The following BCL7C variants were observed in gnomAD, a reference collection of about 807,000 sequenced individuals.
The protein encoded by BCL7C is B-cell CLL/lymphoma 7 protein family member C.
BCL7C carries 8 observed loss-of-function variants against 26.2 expected under a neutral mutation model. The observed-to-expected ratio is 0.30, with a 90% CI of 0.18 to 0.55. The LOEUF is 0.55. Among genes scored for constraint, BCL7C ranks in the 20% least tolerant of loss-of-function variants. The pLI, the probability that BCL7C is intolerant of heterozygous loss-of-function variation, is 0.93. For synonymous variants in BCL7C, 90 were observed against 116.5 expected, an observed-to-expected ratio of 0.77 and a Z score of 1.47; for missense variants, 262 against 298.5, an observed-to-expected ratio of 0.88 and a Z score of 0.90.
downstream of BCL7C, among the ~76,000 whole-genome samples, chr16:30,884,057 G>A (rs769000392): frequency 5.3e-5 from 8 of 150,930 alleles, no homozygotes; most frequent in Non-Finnish European, 1.2e-4. Context: ...CCTGGGAGGC[G>A]GAGCTTGCAG....
chr16:30,869,542 C>G (rs373223590), intron 5 of BCL7C, among the ~76,000 whole-genome samples: 2 of 145,110 alleles, frequency 1.4e-5, no homozygotes, highest in African/African-American at 2.6e-5. Flanking sequence ...GACGGGGTCT[C>G]GCTCTGTTGC....
chr16:30,839,948 A>C (rs1287867693), intron 5 of BCL7C, among the ~76,000 whole-genome samples: 1 of 152,218 alleles, frequency 6.6e-6, no homozygotes, highest in African/African-American at 2.4e-5. Context: ...TCCCTCCAGG[A>C]GAGGACTCTG....
In BCL7C at chr16:30,893,046, G is replaced by T. The variant is rs930079973; in HGVS notation, c.172-98C>A. The T allele has an allele frequency of 3.8e-6, 5 of 1,309,202 alleles. No individual in the cohort carries two copies. In the Admixed American group the frequency reaches 8.4e-5, roughly 22 times the overall value. 81.1% of individuals were successfully genotyped at this position (1,309,202 alleles called of 1,614,324 possible). A position where few individuals can be genotyped will look rare whatever the true frequency, so the allele number is the denominator to read the frequency against. On this transcript the variant is annotated intron_variant, in intron 2 of 5. Transcript: ENST00000215115. The surrounding 1 kb of genome is among the most constrained non-coding windows in gnomAD (Gnocchi z 5.2). ...GAAGCAAAAGGGCTCAAACTCAGGG[G>T]GTGTGGAGCAGAAAAGAGGGCAAAA... is the stretch of plus-strand genomic sequence containing the variant.
intron 5 of BCL7C, among the ~76,000 whole-genome samples, chr16:30,838,661 C>T (rs2054584009): frequency 6.6e-6 from 1 of 152,200 alleles, no homozygotes; most frequent in African/African-American, 2.4e-5. Context: ...GTGGCAGTCA[C>T]CTGTAGTCCT....
At chr16:30,875,553 G>A (rs2143042541) in intron 5 of BCL7C, 1 of 152,402 alleles carries the variant, frequency 6.6e-6, no homozygotes, top group African/African-American at 2.4e-5. Flanking sequence ...ACAGCCCTGA[G>A]ACAAGGGCCC....
intron 5 of BCL7C, among the ~76,000 whole-genome samples, chr16:30,868,739 T>A (rs570300372): frequency 6.6e-6 from 1 of 151,742 alleles, no homozygotes; most frequent in South Asian, 2.1e-4. Context: ...GAGCGGAGAT[T>A]GCGCCATTGC....
chr16:30,887,884 G>A lies in BCL7C; in HGVS notation c.635C>T (p.Pro212Leu). The A allele has an allele frequency of 6.3e-7, 1 of 1,598,660 alleles. No homozygotes were observed. The highest frequency in any genetic ancestry group is 8.5e-7 in the Non-Finnish European group (1 of 1,173,452). The change falls in exon 6 of 6, where the codon CCA (proline) becomes CTA (leucine). Residue 212 changes from proline to leucine, a missense_variant. Physicochemically the swap from Pro to Leu is moderately conservative, Grantham distance 98. Coordinates refer to ENST00000215115, the MANE Select transcript of BCL7C (RefSeq NM_004765.4). ...GGCTTCTCAGGGGTCAGGGGCATTT[G>A]GGCAGATGCGCTTGAGTGGGGGGGC... The part of the protein sequence containing the change: ...EGAPPLKRIC[P>L]NAPDP
Position 30,893,979 on chromosome 16 carries a change from C to G in BCL7C, c.-35G>C. 1 of 1,176,376 alleles carries G rather than the reference C, an allele frequency of 8.5e-7. No individual in the cohort carries two copies. Among genetic ancestry groups the G allele is most frequent in the Non-Finnish European group, 1.1e-6 (1 of 935,584 alleles). The allele number at this position is 1,176,376 out of a possible 1,614,324, so 72.9% of individuals were successfully genotyped here. A position where few individuals can be genotyped will look rare whatever the true frequency, so the allele number is the denominator to read the frequency against. ...GCTGGGGCCGGGGCCGAGCCCGCGG[C>G]GGGGCCGCCTCCCGTCCGGCGGGCT... is the stretch of plus-strand genomic sequence containing the variant. On this transcript the variant is annotated 5_prime_UTR_variant, in exon 1 of 6. Coordinates refer to ENST00000215115, the MANE Select transcript of BCL7C (RefSeq NM_004765.4). The surrounding 1 kb of genome is among the most constrained non-coding windows in gnomAD (Gnocchi z 5.2).
At chr16:30,858,029 C>G (rs2054739242) in intron 5 of BCL7C, among the ~76,000 whole-genome samples, 1 of 151,334 alleles carries the variant, frequency 6.6e-6, no homozygotes, top group Non-Finnish European at 1.5e-5. Context: ...ATTGTAATAG[C>G]TAGCCTTTGG....
chr16:30,880,014 T>G, intron 5 of BCL7C, among the ~76,000 whole-genome samples: 1 of 150,538 alleles, frequency 6.6e-6, no homozygotes, highest in Non-Finnish European at 1.5e-5. Flanking sequence ...GTTAAGTAGT[T>G]GGGCGCAGTA....
rs776569898 is a variant in BCL7C, at chr16:30,835,068, C to T, written c.609G>A (p.Arg203=). ...GCCGGACATTTGTCCGGAGGCCCCT[C>T]CTGGGCAGGAGCCTCCTGAGGGGCT... The change falls in exon 6 of 6, where the codon AGG becomes AGA. Residue 203 remains arginine, a synonymous_variant. Transcript: ENST00000380317. 55 of 1,548,104 alleles carry T rather than the reference C, an allele frequency of 3.6e-5. 1 individual carries two copies. The South Asian group carries it at 4.3e-4, about 12-fold the overall frequency.
intron 5 of BCL7C, among the ~76,000 whole-genome samples, chr16:30,881,466 T>G (rs963597531): frequency 2.0e-5 from 3 of 151,852 alleles, no homozygotes; most frequent in Non-Finnish European, 2.9e-5. Flanking sequence ...GATTATGCTT[T>G]TCTGCTCAGA....
Position 30,834,843 on chromosome 16 carries a change from TG to T in BCL7C, c.*104del. 8.6e-7 allele frequency: 1 copy of T among 1,158,372 alleles called. No homozygotes were observed. Among genetic ancestry groups the T allele is most frequent in the Non-Finnish European group, 1.2e-6 (1 of 842,538 alleles). The allele number at this position is 1,158,372 out of a possible 1,614,324, so 71.8% of individuals were successfully genotyped here. The stretch of plus-strand genomic sequence containing the variant: ...CGCTCGCCCTCCGATGTTACCGCGG[TG>T]GGTGAGCTGGGAAGCTCTTTCCGCC... On this transcript the variant is annotated 3_prime_UTR_variant, in exon 6 of 6. Coordinates refer to the BCL7C transcript ENST00000380317. This position sits in a 1 kb window ranked among gnomAD's most constrained non-coding sequence, Gnocchi z 4.3.
chr16:30,846,870 G>A (rs962303345), intron 5 of BCL7C, among the ~76,000 whole-genome samples: 4 of 152,234 alleles, frequency 2.6e-5, no homozygotes, highest in Admixed American at 1.3e-4. Flanking sequence ...AGCTAGTGAC[G>A]CTGTCACGTG....
In BCL7C at chr16:30,887,844, C is replaced by T. The variant is rs1234890783; in HGVS notation, c.*21G>A. 16 of 1,545,008 alleles carry T rather than the reference C, an allele frequency of 1.0e-5. No individual in the cohort carries two copies. The Admixed American group carries it at 3.0e-4, about 29-fold the overall frequency. ...AAAGCCAAAGGGGCCCCTGGGGCAA[C>T]AGGACAGGCAGGCCGGCTTCTCAGG... On this transcript the variant is annotated 3_prime_UTR_variant, in exon 6 of 6. Coordinates refer to ENST00000215115, the MANE Select transcript of BCL7C (RefSeq NM_004765.4).
intron 5 of BCL7C, among the ~76,000 whole-genome samples, chr16:30,839,751 C>G (rs1057274647): frequency 6.6e-6 from 1 of 152,218 alleles, no homozygotes; most frequent in African/African-American, 2.4e-5. Context: ...TCAGCCAACA[C>G]CTAGACTTTG....
intron 5 of BCL7C, among the ~76,000 whole-genome samples, chr16:30,851,089 C>T (rs1041976904): frequency 3.9e-5 from 6 of 152,276 alleles, no homozygotes; most frequent in Non-Finnish European, 5.9e-5. Flanking sequence ...ATCTGTGCTT[C>T]GGGATTCAGC....
intron 5 of BCL7C, among the ~76,000 whole-genome samples, chr16:30,846,669 C>T (rs1263650532): frequency 6.6e-6 from 1 of 152,196 alleles, no homozygotes; most frequent in Non-Finnish European, 1.5e-5. Context: ...TGTTAAACTC[C>T]CATTGTGGCT....
At chr16:30,838,772 G>A (rs2054584768) in intron 5 of BCL7C, among the ~76,000 whole-genome samples, 1 of 152,152 alleles carries the variant, frequency 6.6e-6, no homozygotes, top group Non-Finnish European at 1.5e-5. Flanking sequence ...GTGACAGAGC[G>A]AGACTCCGTC....
Sources: allele counts gnomAD v4.1 joint callset (sites outside exome capture counted in the v4.1 genomes callset), GRCh38; gene constraint gnomAD v4.1.1; non-coding constraint Gnocchi (gnomAD v3.1); transcripts MANE v1.5; gene names NCBI Gene and HGNC (gene_info 2026-07-23, HGNC 2026-07-21).